Variants in GALNT10 observed in about 807,000 individuals in gnomAD.
GALNT10 encodes the protein polypeptide N-acetylgalactosaminyltransferase 10.
GALNT10 carries 41 observed loss-of-function variants against 75.0 expected under a neutral mutation model. The observed-to-expected ratio is 0.55, with a 90% CI of 0.43 to 0.71. The LOEUF (loss-of-function observed/expected upper bound fraction) is 0.71. GALNT10 is among the 30% of genes least tolerant of loss of function. The pLI, the probability that GALNT10 is intolerant of heterozygous loss-of-function variation, is 0.00. For missense variants in GALNT10, 727 were observed against 818.5 expected (o/e 0.89, Z 1.36); for synonymous variants, 302 against 313.0 (o/e 0.96, Z 0.37).
At chr5:154,380,855 A>C (rs537310546) in intron 6 of GALNT10, among the ~76,000 whole-genome samples, 1 of 152,122 alleles carries the variant, frequency 6.6e-6, no homozygotes, top group South Asian at 2.1e-4. Context: ...CACCTTGCCC[A>C]CTTCTGCACA....
intron 1 of GALNT10, among the ~76,000 whole-genome samples, chr5:154,249,506 C>T (rs1417027329): frequency 1.3e-5 from 2 of 152,070 alleles, no homozygotes; most frequent in Non-Finnish European, 2.9e-5. Flanking sequence ...CTTCCATTCT[C>T]TCCTACTCTT....
Position 154,415,946 on chromosome 5 carries a change from C to A in GALNT10, c.1653+14C>A. 1 of 1,611,698 alleles carries A rather than the reference C, an allele frequency of 6.2e-7. No homozygotes were observed. Among genetic ancestry groups the A allele is most frequent in the Non-Finnish European group, 8.5e-7 (1 of 1,178,376 alleles). On this transcript the variant is annotated intron_variant, in intron 11 of 11. Coordinates refer to ENST00000297107, the MANE Select transcript of GALNT10 (RefSeq NM_198321.4). Reference sequence around the variant, plus strand: ...AAATACCGCAAAGTAAGATGGGATGCGGGGGGAGCAGGGCACCTGCTTAAT... The same window carrying A: ...AAATACCGCAAAGTAAGATGGGATGAGGGGGGAGCAGGGCACCTGCTTAAT...
chr5:154,222,470 T>C (rs1752996922), intron 1 of GALNT10, among the ~76,000 whole-genome samples: 1 of 152,354 alleles, frequency 6.6e-6, no homozygotes, highest in African/African-American at 2.4e-5. Context: ...TTTGTTTTTC[T>C]TGGGTAAATA....
In GALNT10 at chr5:154,409,140, G is replaced by A. The variant is rs779354388; in HGVS notation, c.1165-401G>A. The stretch of plus-strand genomic sequence containing the variant: ...TGTTGGTTGTGATTGGTGGGGCTTA[G>A]GGAATGGGTCTGCTGTTTGACCAGC... On this transcript the variant is annotated intron_variant, in intron 8 of 11. Transcript: ENST00000297107. This position sits in a 1 kb window ranked among gnomAD's most constrained non-coding sequence, Gnocchi z 4.5. Among the ~76,000 whole-genome samples the A allele has an allele frequency of 7.9e-5, 12 of 152,244 alleles. No individual in the cohort carries two copies. The highest frequency in any genetic ancestry group is 1.3e-4 in the Admixed American group (2 of 15,286).
Position 154,418,040 on chromosome 5 carries a change from T to C in GALNT10, c.*1068T>C, listed in dbSNP as rs142764832. ...AGAACTCTATAATTGGATTGCAAAC[T>C]AGGATGCTACATAGGATTCTGGTAT... On this transcript the variant is annotated 3_prime_UTR_variant, in exon 12 of 12. Transcript: ENST00000297107. 81 of 152,344 alleles carry C rather than the reference T, an allele frequency of 5.3e-4. No homozygotes were observed. The highest frequency in any genetic ancestry group is 1.9e-3 in the African/African-American group (80 of 41,582). The allele number at this position is 152,344 out of a possible 1,614,324, so 9.4% of individuals were successfully genotyped here.
intron 3 of GALNT10, among the ~76,000 whole-genome samples, chr5:154,302,064 G>A (rs181137378): frequency 1.6e-4 from 24 of 152,292 alleles, no homozygotes; most frequent in Non-Finnish European, 1.0e-4. Flanking sequence ...TTTTTTTCCA[G>A]AGGGGAATCT....
chr5:154,355,528 G>A (rs752072135), intron 4 of GALNT10, among the ~76,000 whole-genome samples: 2 of 152,232 alleles, frequency 1.3e-5, no homozygotes, highest in Non-Finnish European at 1.5e-5. Context: ...CAGGTCCAGC[G>A]GGAGTAGGCA....
intron 7 of GALNT10, 143 bp downstream of exon 7, chr5:154,386,573 AG>A: frequency 7.2e-6 from 2 of 277,330 alleles, no homozygotes; most frequent in Non-Finnish European, 1.4e-5. Context: ...TGAAGAAGAC[AG>A]GGGCTCATGG....
At chr5:154,329,458 C>T (rs1754808388) in intron 3 of GALNT10, 114 bp from the exon 4 acceptor site, 1 of 784,752 alleles carries the variant, frequency 1.3e-6, no homozygotes. Flanking sequence ...TTTGCTCATT[C>T]CCTAAAGACT....
At chr5:154,237,494 G>T (rs1456025569) in intron 1 of GALNT10, among the ~76,000 whole-genome samples, 3 of 152,184 alleles carry the variant, frequency 2.0e-5, no homozygotes, top group African/African-American at 7.2e-5. Context: ...CTACCAAAGA[G>T]TCTGAGGTGA....
chr5:154,208,213 G>A (rs767075254), intron 1 of GALNT10, among the ~76,000 whole-genome samples: 30 of 152,320 alleles, frequency 2.0e-4, no homozygotes, highest in Middle Eastern at 6.8e-3. Flanking sequence ...AAGAGAAAAG[G>A]ACATGGTCTC....
At chr5:154,385,335 G>A (rs1303451825) in intron 6 of GALNT10, among the ~76,000 whole-genome samples, 5 of 152,104 alleles carry the variant, frequency 3.3e-5, no homozygotes, top group Admixed American at 6.6e-5. Flanking sequence ...GGTGCCAGGC[G>A]GACTTCCTGT....
At chr5:154,383,093 T>C (rs918509) in intron 6 of GALNT10, among the ~76,000 whole-genome samples, 120,048 of 152,202 alleles carry the variant, frequency 0.79, 47,453 homozygotes, top group Middle Eastern at 0.88. Context: ...TGTGTGGCCA[T>C]GGTTGGCAGT....
chr5:154,238,926 G>A (rs1753290161), intron 1 of GALNT10, among the ~76,000 whole-genome samples: 1 of 152,128 alleles, frequency 6.6e-6, no homozygotes, highest in Non-Finnish European at 1.5e-5. Flanking sequence ...CAGCCTCATG[G>A]GGGAGGTTCT....
At chr5:154,211,098 T>A (rs995779342) in intron 1 of GALNT10, among the ~76,000 whole-genome samples, 8 of 152,198 alleles carry the variant, frequency 5.3e-5, no homozygotes, top group African/African-American at 9.7e-5. Flanking sequence ...AAAAGTTTTT[T>A]AAAAAATGAA....
intron 1 of GALNT10, among the ~76,000 whole-genome samples, chr5:154,283,793 A>G (rs1754076470): frequency 6.6e-6 from 1 of 152,176 alleles, no homozygotes; most frequent in Non-Finnish European, 1.5e-5. Flanking sequence ...CAGCCCAAAG[A>G]GCCAAGATTG....
intron 1 of GALNT10, among the ~76,000 whole-genome samples, chr5:154,219,836 T>TCACA (rs1192106045): frequency 1.3e-3 from 175 of 134,292 alleles, no homozygotes; most frequent in African/African-American, 4.9e-3. Context: ...TCTCTCTCTC[T>TCACA]CTCACACACA....
chr5:154,400,426 T>A lies in GALNT10; in HGVS notation c.1057-3678T>A, dbSNP rs184613797. ...GTGGCCATCACATCAAGCACCAGCA[T>A]GTGTGGCGACCATTAAATATATACC... On this transcript the variant is annotated intron_variant, in intron 7 of 11. Transcript: ENST00000297107. Among the ~76,000 whole-genome samples, 447 of 152,140 alleles carry A rather than the reference T, an allele frequency of 2.9e-3. 3 individuals are homozygous for A. The highest frequency in any genetic ancestry group is 2.0e-3 in the Non-Finnish European group (138 of 67,998).
intron 9 of GALNT10, among the ~76,000 whole-genome samples, chr5:154,410,104 A>G (rs572860252): frequency 4.7e-4 from 71 of 152,368 alleles, no homozygotes; most frequent in African/African-American, 1.5e-3. Flanking sequence ...TGCTGCATGC[A>G]TAAGTATTTC....
Sources: allele counts gnomAD v4.1 joint callset (sites outside exome capture counted in the v4.1 genomes callset), GRCh38; gene constraint gnomAD v4.1.1; non-coding constraint Gnocchi (gnomAD v3.1); transcripts MANE v1.5; gene names NCBI Gene and HGNC (gene_info 2026-07-23, HGNC 2026-07-21).